The following TBCEL variants were observed in gnomAD, a reference collection of about 807,000 sequenced individuals.
TBCEL encodes the protein tubulin folding cofactor E like.
A neutral mutation model predicts 44.2 loss-of-function variants in TBCEL; 15 were observed. That is an observed-to-expected ratio of 0.34 (90% CI 0.23 to 0.52). The LOEUF (loss-of-function observed/expected upper bound fraction) is 0.52, where lower values mean the gene tolerates loss of function less well. Ranked by LOEUF, TBCEL falls within the 20% of genes least tolerant of loss-of-function variation. TBCEL has a pLI of 0.95. For synonymous variants in TBCEL, 171 were observed against 185.4 expected (o/e 0.92, Z 0.63); for missense variants, 319 against 506.3 (o/e 0.63, Z 3.55).
In TBCEL at chr11:121,088,028, A is replaced by G. The variant is rs541161176; in HGVS notation, c.*932A>G. 6 of 152,300 alleles carry G rather than the reference A, an allele frequency of 3.9e-5. No homozygotes were observed. The highest frequency in any genetic ancestry group is 2.1e-4 in the South Asian group (1 of 4,824). 9.4% of individuals were successfully genotyped at this position (152,300 alleles called of 1,614,324 possible). A position where few individuals can be genotyped will look rare whatever the true frequency, so the allele number is the denominator to read the frequency against. On this transcript the variant is annotated 3_prime_UTR_variant, in exon 9 of 9. Transcript: ENST00000683345. Reference sequence around the variant, plus strand: ...GAGGCCTGACTTCATAAATAATTCAATAGAGTCCTGGATACGTGCACCAGG... The same window carrying G: ...GAGGCCTGACTTCATAAATAATTCAGTAGAGTCCTGGATACGTGCACCAGG...
At chr11:121,037,390 T>C (rs1388018320) in intron 2 of TBCEL, among the ~76,000 whole-genome samples, 1 of 152,228 alleles carries the variant, frequency 6.6e-6, no homozygotes, top group African/African-American at 2.4e-5. Context: ...CTATATTACA[T>C]AATGCTCAAG....
At chr11:121,059,811 G>C (rs1336708982) in intron 7 of TBCEL, among the ~76,000 whole-genome samples, 158 bp from the exon 8 acceptor site, 1 of 151,966 alleles carries the variant, frequency 6.6e-6, no homozygotes, top group East Asian at 1.9e-4. Context: ...TTTCGGTTTA[G>C]ACCACTTTAG....
chr11:121,045,809 G>T lies in TBCEL; in HGVS notation c.119G>T (p.Gly40Val). The T allele has an allele frequency of 6.3e-7, 1 of 1,595,674 alleles. No homozygotes were observed. Among genetic ancestry groups the T allele is most frequent in the Non-Finnish European group, 8.5e-7 (1 of 1,174,910 alleles). The change falls in exon 3 of 9, where the codon GGC becomes GTC. Residue 40 changes from glycine (G) to valine (V), a missense_variant. Transcript: ENST00000683345. ...MGVHVPATPQ[G>V]SPMKDRLNLP... is the part of the protein sequence containing the mutation. ...GTCCATGTCCCAGCCACACCTCAGG[G>T]CTCTCCTATGAAAGGTAAGAAAGAT...
At chr11:121,070,494 A>G (rs1417891039) in intron 8 of TBCEL, among the ~76,000 whole-genome samples, 2 of 152,352 alleles carry the variant, frequency 1.3e-5, no homozygotes, top group South Asian at 4.1e-4. Context: ...AAAATGTGGC[A>G]CATATACACC....
rs1945744730 is a variant in TBCEL at position 121,062,590 on chromosome 11, A to G, written c.956+2505A>G. On this transcript the variant is annotated intron_variant, in intron 8 of 8. Transcript: ENST00000683345. ...ATGTCTTCATGTGGCACCTAACTGT[A>G]CAGTGAATTGTTTTCTGTCCCTGAT... is the stretch of plus-strand genomic sequence containing the variant. Among the ~76,000 whole-genome samples the G allele has an allele frequency of 2.0e-5, 3 of 152,292 alleles. No homozygotes were observed. In the South Asian group the frequency reaches 6.2e-4, roughly 32 times the overall value.
intron 2 of TBCEL, among the ~76,000 whole-genome samples, chr11:121,045,196 A>G (rs1221193620): frequency 1.3e-5 from 2 of 152,104 alleles, no homozygotes; most frequent in Admixed American, 6.6e-5. Flanking sequence ...CTTAGCCAGC[A>G]CTCATTCCCA....
intron 4 of TBCEL, among the ~76,000 whole-genome samples, chr11:121,049,778 T>C (rs1193780488): frequency 6.6e-6 from 1 of 151,778 alleles, no homozygotes; most frequent in Admixed American, 6.6e-5. Context: ...AGTGATGTAG[T>C]TGCTACCTCA....
At chr11:121,052,420 A>C (rs1945544885) in intron 4 of TBCEL, among the ~76,000 whole-genome samples, 1 of 151,830 alleles carries the variant, frequency 6.6e-6, no homozygotes, top group Non-Finnish European at 1.5e-5. Flanking sequence ...TGAGATTTGG[A>C]AAGATTAAGT....
At chr11:121,039,879 G>GT (rs143730273) in intron 2 of TBCEL, among the ~76,000 whole-genome samples, 31,598 of 152,068 alleles carry the variant, frequency 0.21, 3,385 homozygotes, top group East Asian at 0.33. Context: ...TTAGAGTGTA[G>GT]TTTTTTCTGC....
At chr11:121,072,039 C>A (rs1277429586) in intron 8 of TBCEL, among the ~76,000 whole-genome samples, 3 of 152,174 alleles carry the variant, frequency 2.0e-5, no homozygotes, top group Non-Finnish European at 4.4e-5. Context: ...ACAAAAGGGG[C>A]ATTCTCCTTC....
intron 2 of TBCEL, among the ~76,000 whole-genome samples, chr11:121,040,428 C>A (rs1394581995): frequency 1.3e-5 from 2 of 152,128 alleles, no homozygotes; most frequent in Non-Finnish European, 2.9e-5. Flanking sequence ...CTGTGAAAGC[C>A]ATGGTAAAGA....
At chr11:121,074,298 C>T (rs1186190041) in intron 8 of TBCEL, among the ~76,000 whole-genome samples, 1 of 151,874 alleles carries the variant, frequency 6.6e-6, no homozygotes, top group Non-Finnish European at 1.5e-5. Context: ...GTATTTGGCC[C>T]CTAGGCAGCC....
Position 121,038,035 on chromosome 11 carries a change from C to G in TBCEL, c.-18+1423C>G, listed in dbSNP as rs1945264714. 2.0e-5 allele frequency among the ~76,000 whole-genome samples: 3 copies of G among 151,970 alleles called. No individual in the cohort carries two copies. The South Asian group carries it at 6.2e-4, about 32-fold the overall frequency. Reference sequence around the variant, plus strand: ...AGTGCAGTGGCACGATCTCGACTCACTGCACCCTCTGCCTCCCGGGTTCAA... The same window carrying G: ...AGTGCAGTGGCACGATCTCGACTCAGTGCACCCTCTGCCTCCCGGGTTCAA... On this transcript the variant is annotated intron_variant, in intron 2 of 8. Transcript: ENST00000683345.
chr11:121,055,235 T>C lies in TBCEL; in HGVS notation c.639T>C (p.Asn213=), dbSNP rs1312008814. The C allele has an allele frequency of 6.2e-7, 1 of 1,612,308 alleles. No individual in the cohort carries two copies. ...DTLVLANNHL[N]AIEEPDDSLA... is the part of the protein sequence containing the mutation. ...TCGTCCTGGCCAACAATCATTTGAA[T>C]GCTATTGAGGAGCCTGATGATTCAT... The change falls in exon 6 of 9, where the codon AAT becomes AAC. Residue 213 remains asparagine (N), a synonymous_variant. Transcript: ENST00000683345.
intron 2 of TBCEL, 109 bp from the exon 3 acceptor site, chr11:121,045,565 T>C (rs1945415173): frequency 2.4e-6 from 2 of 839,208 alleles, no homozygotes; most frequent in Admixed American, 6.9e-5. Context: ...GTATCATATG[T>C]CTTGCAATGC....
At chr11:121,064,890 A>C (rs992079126) in intron 8 of TBCEL, among the ~76,000 whole-genome samples, 3 of 151,970 alleles carry the variant, frequency 2.0e-5, no homozygotes, top group African/African-American at 7.3e-5. Context: ...GCAGTGGTGC[A>C]ATCTCGGCTC....
chr11:121,050,947 C>CA (rs1945518357), intron 4 of TBCEL, among the ~76,000 whole-genome samples: 1 of 151,620 alleles, frequency 6.6e-6, no homozygotes, highest in Non-Finnish European at 1.5e-5. Context: ...CCTAGAAACT[C>CA]ATGGAATGTT....
rs182469075 is a variant in TBCEL at position 121,063,413 on chromosome 11, C to G, written c.956+3328C>G. On this transcript the variant is annotated intron_variant, in intron 8 of 8. Coordinates refer to ENST00000683345, the MANE Select transcript of TBCEL (RefSeq NM_001363644.2). ...TGCACAAATGAAAATACATTTCTCT[C>G]TCCTTAAATGACATAACCTAAATCT... 7.2e-5 allele frequency among the ~76,000 whole-genome samples: 11 copies of G among 152,300 alleles called. No individual in the cohort carries two copies. In the East Asian group the frequency reaches 2.1e-3, roughly 29 times the overall value.
intron 2 of TBCEL, among the ~76,000 whole-genome samples, chr11:121,042,846 A>G (rs1945358571): frequency 6.6e-6 from 1 of 152,156 alleles, no homozygotes; most frequent in African/African-American, 2.4e-5. Flanking sequence ...GGTTTAGACC[A>G]TACATAAGTG....
Sources: gnomAD v4.1 joint callset for allele counts (sites outside exome capture counted in the v4.1 genomes callset) on GRCh38, gnomAD v4.1.1 for gene constraint, MANE v1.5 for transcripts, NCBI Gene and HGNC (gene_info 2026-07-23, HGNC 2026-07-21) for gene names.